Variants in NINL observed in about 807,000 individuals in gnomAD.
The protein encoded by NINL is ninein-like protein.
In NINL, 153 loss-of-function variants were observed where a neutral mutation model predicts 160.3. That is an observed-to-expected ratio of 0.95 (90% confidence interval 0.84 to 1.09). The LOEUF is 1.09. Among genes scored for constraint, NINL ranks in the 50% least tolerant of loss-of-function variants. The pLI, the probability that NINL is intolerant of heterozygous loss-of-function variation, is 0.00. For synonymous variants in NINL, 800 were observed against 734.8 expected (o/e 1.09, Z -1.43); for missense variants, 1,829 against 1,764.0 (o/e 1.04, Z -0.66).
chr20:25,460,059 C>G (rs1005680218), intron 21 of NINL, among the ~76,000 whole-genome samples: 15 of 152,168 alleles, frequency 9.9e-5, no homozygotes, highest in African/African-American at 3.4e-4. Flanking sequence ...CTGAGCTCCC[C>G]TGGGAGACCC....
At chr20:25,546,067 T>C (rs2064728282) in intron 1 of NINL, among the ~76,000 whole-genome samples, 1 of 152,016 alleles carries the variant, frequency 6.6e-6, no homozygotes, top group Non-Finnish European at 1.5e-5. Context: ...TGCCTGTGAC[T>C]TCTGCTTCCC....
intron 20 of NINL, 52 bp downstream of exon 20, chr20:25,462,331 C>A (rs2062809223): frequency 3.8e-6 from 6 of 1,579,430 alleles, no homozygotes; most frequent in Admixed American, 1.8e-5. Flanking sequence ...GCCGCCTCCC[C>A]ACCCTGAGCT....
At chr20:25,563,484 G>C (rs1427191746) in intron 1 of NINL, among the ~76,000 whole-genome samples, 1 of 152,128 alleles carries the variant, frequency 6.6e-6, no homozygotes, top group Non-Finnish European at 1.5e-5. Flanking sequence ...ATCCCAGAAA[G>C]AGAAATAAAA....
At chr20:25,490,814 G>C (rs530783449) in intron 11 of NINL, among the ~76,000 whole-genome samples, 1 of 152,226 alleles carries the variant, frequency 6.6e-6, no homozygotes, top group African/African-American at 2.4e-5. Context: ...GGGCAGGTGT[G>C]GGGAGTTAGG....
At chr20:25,489,829 A>C (rs769679119) in intron 12 of NINL, 46 bp downstream of exon 12, 12 of 1,483,652 alleles carry the variant, frequency 8.1e-6, no homozygotes, top group South Asian at 2.3e-5. Context: ...CACTCTGCCC[A>C]GCAGGCCCTC....
At chr20:25,496,382 T>G (rs1482225096) in intron 10 of NINL, among the ~76,000 whole-genome samples, 1 of 152,136 alleles carries the variant, frequency 6.6e-6, no homozygotes, top group Non-Finnish European at 1.5e-5. Flanking sequence ...AGGCTTGGCT[T>G]ATGTGAGAAG....
At chr20:25,491,572 G>A in intron 10 of NINL, 47 bp from the exon 11 acceptor site, 1 of 1,582,854 alleles carries the variant, frequency 6.3e-7, no homozygotes, top group Non-Finnish European at 8.6e-7. Flanking sequence ...TGTCAGGGCT[G>A]CCCAGGCCCA....
chr20:25,581,129 G>GCTAC (rs1488930176), intron 1 of NINL, among the ~76,000 whole-genome samples: 3 of 152,174 alleles, frequency 2.0e-5, no homozygotes, highest in Non-Finnish European at 4.4e-5. Flanking sequence ...CTATCTAGTA[G>GCTAC]CTACCTGCTC....
At chr20:25,557,431 C>T (rs2147117854) in intron 1 of NINL, among the ~76,000 whole-genome samples, 1 of 151,748 alleles carries the variant, frequency 6.6e-6, no homozygotes, top group Middle Eastern at 3.4e-3. Flanking sequence ...CTCGGGAAGC[C>T]AAGGGAGGTG....
chr20:25,481,972 T>A lies in NINL; in HGVS notation c.1806A>T (p.Pro602=). Reference sequence around the variant, plus strand: ...CTCCCAGGGACGGGCTCCTACCTGCTGGGCCGAGTCCAGGGAGCTGCCGTC... The same window carrying A: ...CTCCCAGGGACGGGCTCCTACCTGCAGGGCCGAGTCCAGGGAGCTGCCGTC... The part of the protein sequence containing the change: ...GRRRQLPGLG[P]AGISFLGNSA... The change falls in exon 14 of 24, where the codon CCA becomes CCT. Residue 602 remains proline, a synonymous_variant. Transcript: ENST00000278886. 6.3e-7 allele frequency: 1 copy of A among 1,596,956 alleles called. No homozygotes were observed. Among genetic ancestry groups the A allele is most frequent in the Non-Finnish European group, 8.5e-7 (1 of 1,178,410 alleles).
chr20:25,467,188 C>T (rs2062934717), intron 19 of NINL, among the ~76,000 whole-genome samples: 1 of 152,238 alleles, frequency 6.6e-6, no homozygotes, highest in African/African-American at 2.4e-5. Flanking sequence ...CTTGGGACCA[C>T]CGGCAGATTT....
At chr20:25,518,882 G>C (rs2064211658) in intron 2 of NINL, among the ~76,000 whole-genome samples, 1 of 151,990 alleles carries the variant, frequency 6.6e-6, no homozygotes, top group African/African-American at 2.4e-5. Context: ...TGGATCACTT[G>C]AGGTCAGGAG....
At chr20:25,569,183 G>T (rs1244191756) in intron 1 of NINL, among the ~76,000 whole-genome samples, 1 of 149,262 alleles carries the variant, frequency 6.7e-6, no homozygotes, top group Non-Finnish European at 1.5e-5. Context: ...AGCCAGGATA[G>T]CGCCACTACA....
At chr20:25,487,352 G>GC (rs1250565020) in intron 13 of NINL, among the ~76,000 whole-genome samples, 1 of 152,162 alleles carries the variant, frequency 6.6e-6, no homozygotes, top group Non-Finnish European at 1.5e-5. Flanking sequence ...ATTTGTGGAT[G>GC]CATATGACTT....
Position 25,467,457 on chromosome 20 carries a change from T to TC in NINL, c.3354dup (p.Lys1119GlufsTer4), listed in dbSNP as rs765095781. The TC allele has an allele frequency of 8.1e-6, 13 of 1,613,362 alleles. No individual in the cohort carries two copies. The South Asian group carries it at 8.8e-5, about 11-fold the overall frequency. On this transcript the variant is annotated frameshift_variant and splice_region_variant, in exon 19 of 24. Transcript: ENST00000278886. LOFTEE classifies it high-confidence loss of function. ...TCTTTCTTTAAAACCTCAATTTCCT[T>TC]CCTGTTGAAGAAGCACAATTAACAG...
At chr20:25,463,565 C>T (rs1445346232) in intron 19 of NINL, among the ~76,000 whole-genome samples, 3 of 152,228 alleles carry the variant, frequency 2.0e-5, no homozygotes, top group South Asian at 2.1e-4. Context: ...GTCTGGACCA[C>T]GGAGGCTCTG....
At chr20:25,553,981 C>G (rs1344785700) in intron 1 of NINL, among the ~76,000 whole-genome samples, 1 of 152,238 alleles carries the variant, frequency 6.6e-6, no homozygotes, top group Non-Finnish European at 1.5e-5. Context: ...AATAAACATG[C>G]AAGCCTTCCA....
chr20:25,541,552 AGCTATAGAT>A (rs773417048), intron 1 of NINL, among the ~76,000 whole-genome samples: 3 of 152,260 alleles, frequency 2.0e-5, no homozygotes, highest in Non-Finnish European at 4.4e-5. Context: ...CTAGGACTAT[AGCTATAGAT>A]GCAAAATTTA....
chr20:25,505,108 CCT>C, intron 5 of NINL, 30 bp from the exon 6 acceptor site: 1 of 1,528,072 alleles, frequency 6.5e-7, no homozygotes, highest in Non-Finnish European at 8.8e-7. Context: ...ACAGTTACAC[CCT>C]GATACATACA....
Sources: allele counts gnomAD v4.1 joint callset (sites outside exome capture counted in the v4.1 genomes callset), GRCh38; gene constraint gnomAD v4.1.1; transcripts MANE v1.5; gene names NCBI Gene and HGNC (gene_info 2026-07-23, HGNC 2026-07-21).